Variants in SLC35F3 observed in about 807,000 individuals in gnomAD.
SLC35F3 encodes the protein solute carrier family 35 member F3.
Under a neutral mutation model 49.9 loss-of-function variants are expected in SLC35F3, and 25 were observed. The ratio of observed to expected loss-of-function variants is 0.50; its 90% CI spans 0.37 to 0.70. The LOEUF (loss-of-function observed/expected upper bound fraction) is 0.70, where lower values mean the gene tolerates loss of function less well. Among genes scored for constraint, SLC35F3 ranks in the 30% least tolerant of loss-of-function variants. SLC35F3 has a pLI of 0.00. For missense variants in SLC35F3, 525 were observed against 639.8 expected (o/e 0.82, Z 1.94); for synonymous variants, 275 against 265.4 (o/e 1.04, Z -0.35).
At position 234,027,289 on chromosome 1, in the gene SLC35F3, G is replaced by T; in HGVS notation, c.283+121531G>T. On this transcript the variant is annotated intron_variant, in intron 2 of 7. Transcript: ENST00000366618. The surrounding 1 kb of genome is among the most constrained non-coding windows in gnomAD (Gnocchi z 4.1). ...CTGGGTGCTGAGATGGGAAGCTGTG[G>T]ACTTGGGGCACGGCAGACAGGCAGG... 1 of 153,928 alleles carries T rather than the reference G, an allele frequency of 6.5e-6. No homozygotes were observed. The highest frequency in any genetic ancestry group is 1.9e-4 in the South Asian group (1 of 5,170). The allele number at this position is 153,928 out of a possible 1,614,324, so 9.5% of individuals were successfully genotyped here.
intron 2 of SLC35F3, among the ~76,000 whole-genome samples, chr1:233,969,060 T>TTGGG (rs147668566): frequency 1.4e-5 from 2 of 145,524 alleles, no homozygotes; most frequent in Non-Finnish European, 3.0e-5. Flanking sequence ...TGACATATTT[T>TTGGG]GGGGGGGGGG....
chr1:233,987,010 G>T (rs979702012), intron 2 of SLC35F3, among the ~76,000 whole-genome samples: 7 of 152,116 alleles, frequency 4.6e-5, no homozygotes, highest in Non-Finnish European at 8.8e-5. Flanking sequence ...GATGCAAGAG[G>T]CTGGGAGCAC....
At chr1:234,029,194 G>A (rs1282950738) in intron 2 of SLC35F3, among the ~76,000 whole-genome samples, 2 of 152,158 alleles carry the variant, frequency 1.3e-5, no homozygotes, top group Admixed American at 6.5e-5. Flanking sequence ...AAACAGATAG[G>A]CAATAGACCC....
At chr1:234,001,505 G>T (rs1663553528) in intron 2 of SLC35F3, among the ~76,000 whole-genome samples, 1 of 152,138 alleles carries the variant, frequency 6.6e-6, no homozygotes, top group Non-Finnish European at 1.5e-5. Flanking sequence ...GCTTTATAAG[G>T]CTCCAAGTGT....
intron 2 of SLC35F3, among the ~76,000 whole-genome samples, chr1:233,992,448 A>G (rs2102827849): frequency 6.6e-6 from 1 of 152,264 alleles, no homozygotes; most frequent in African/African-American, 2.4e-5. Flanking sequence ...GGGGAAGTGG[A>G]CACATGTCAA....
chr1:233,950,375 G>A (rs1222830747), intron 2 of SLC35F3, among the ~76,000 whole-genome samples: 12 of 97,456 alleles, frequency 1.2e-4, no homozygotes, highest in Non-Finnish European at 2.0e-4. Context: ...GACAGAGCAA[G>A]ACTCTGTCTC....
intron 2 of SLC35F3, among the ~76,000 whole-genome samples, chr1:234,169,822 C>T (rs1666371525): frequency 6.6e-6 from 1 of 152,064 alleles, no homozygotes; most frequent in Admixed American, 6.5e-5. Context: ...GGCTGGAGTG[C>T]AGTAGTGCGA....
intron 2 of SLC35F3, among the ~76,000 whole-genome samples, chr1:234,156,788 A>G (rs1315368151): frequency 6.6e-6 from 1 of 152,226 alleles, no homozygotes; most frequent in Non-Finnish European, 1.5e-5. Flanking sequence ...AATAAAAAGA[A>G]ATGAAGTACC....
chr1:234,265,932 C>T (rs1056552945), intron 3 of SLC35F3, among the ~76,000 whole-genome samples: 5 of 152,128 alleles, frequency 3.3e-5, no homozygotes, highest in East Asian at 1.9e-4. Context: ...CTTCCCATGA[C>T]GTCTGCAGGC....
At chr1:234,148,660 C>T (rs1666030386) in intron 2 of SLC35F3, among the ~76,000 whole-genome samples, 1 of 152,228 alleles carries the variant, frequency 6.6e-6, no homozygotes, top group Non-Finnish European at 1.5e-5. Flanking sequence ...TTTAAGATCA[C>T]TCTGGCTGCT....
chr1:234,260,898 C>G (rs1667894589), intron 3 of SLC35F3, among the ~76,000 whole-genome samples: 1 of 152,144 alleles, frequency 6.6e-6, no homozygotes, highest in Non-Finnish European at 1.5e-5. Flanking sequence ...ATTGTAACCT[C>G]CAAGTATACA....
intron 2 of SLC35F3, among the ~76,000 whole-genome samples, chr1:234,188,245 A>C (rs1666676536): frequency 6.6e-6 from 1 of 151,882 alleles, no homozygotes; most frequent in African/African-American, 2.4e-5. Flanking sequence ...CTCAAAAAAA[A>C]AAAAAAAGTC....
At chr1:234,010,973 AG>A (rs1663708584) in intron 2 of SLC35F3, among the ~76,000 whole-genome samples, 1 of 152,224 alleles carries the variant, frequency 6.6e-6, no homozygotes, top group African/African-American at 2.4e-5. Context: ...TTGGAAACTG[AG>A]GTTTTAAGTG....
chr1:234,178,412 T>G (rs1323177343), intron 2 of SLC35F3, among the ~76,000 whole-genome samples: 1 of 151,716 alleles, frequency 6.6e-6, no homozygotes, highest in Non-Finnish European at 1.5e-5. Context: ...TCATTGACCT[T>G]CTCAGAAGTC....
At chr1:234,167,582 C>A (rs1386595719) in intron 2 of SLC35F3, among the ~76,000 whole-genome samples, 1 of 152,206 alleles carries the variant, frequency 6.6e-6, no homozygotes, top group Non-Finnish European at 1.5e-5. Context: ...AGTCTTACCA[C>A]AACAGAGCAT....
intron 2 of SLC35F3, among the ~76,000 whole-genome samples, chr1:234,006,145 C>G (rs1446389259): frequency 6.6e-6 from 1 of 152,160 alleles, no homozygotes; most frequent in East Asian, 1.9e-4. Flanking sequence ...TCCTTTATCT[C>G]CTTCAGGCTG....
At position 234,214,255 on chromosome 1, in the gene SLC35F3, C is replaced by T; in HGVS notation, c.284-17162C>T. ...CAACCTCCAAGTAGGAGGCTGTGCG[C>T]GCGTGTGTGTGGAGTGGCTGCGCGG... On this transcript the variant is annotated intron_variant, in intron 2 of 7. Transcript: ENST00000366618. The surrounding 1 kb of genome is among the most constrained non-coding windows in gnomAD (Gnocchi z 8.0). The T allele has an allele frequency of 8.0e-7, 1 of 1,249,308 alleles. No individual in the cohort carries two copies. Among genetic ancestry groups the T allele is most frequent in the Non-Finnish European group, 1.0e-6 (1 of 998,838 alleles). 77.4% of individuals were successfully genotyped at this position (1,249,308 alleles called of 1,614,324 possible).
chr1:233,956,710 G>A (rs112999527), intron 2 of SLC35F3, among the ~76,000 whole-genome samples: 8 of 152,336 alleles, frequency 5.3e-5, no homozygotes, highest in African/African-American at 1.9e-4. Flanking sequence ...CTGGGCGTGA[G>A]ACATTTCCAT....
intron 2 of SLC35F3, among the ~76,000 whole-genome samples, chr1:234,136,110 G>A (rs1665806673): frequency 6.6e-6 from 1 of 152,062 alleles, no homozygotes; most frequent in African/African-American, 2.4e-5. Context: ...TACCTCTTAG[G>A]AAGCCTTCCC....
Sources: allele counts gnomAD v4.1 joint callset (sites outside exome capture counted in the v4.1 genomes callset), GRCh38; gene constraint gnomAD v4.1.1; non-coding constraint Gnocchi (gnomAD v3.1); transcripts MANE v1.5; gene names NCBI Gene and HGNC (gene_info 2026-07-23, HGNC 2026-07-21).